NFATC1: variants seen among roughly 807,000 people sequenced by gnomAD.
The protein encoded by NFATC1 is nuclear factor of activated T cells 1, also known as nuclear factor of activated T-cells, cytoplasmic 1.
In NFATC1, 22 loss-of-function variants were observed where a neutral mutation model predicts 76.0. That is an observed-to-expected ratio of 0.29 (90% CI 0.21 to 0.41). The LOEUF is 0.41. NFATC1 is among the 10% of genes least tolerant of loss of function. NFATC1 has a pLI of 1.00. For missense variants in NFATC1, 1,357 were observed against 1,337.7 expected (o/e 1.01, Z -0.23); for synonymous variants, 704 against 613.1 (o/e 1.15, Z -2.19).
intron 9 of NFATC1, among the ~76,000 whole-genome samples, chr18:79,518,040 G>A (rs912248890): frequency 1.6e-4 from 24 of 152,144 alleles, no homozygotes; most frequent in Non-Finnish European, 2.6e-4. Flanking sequence ...TGCCTCTCCC[G>A]GCTCTTCACT....
chr18:79,525,077 CCG>C, intron 9 of NFATC1, among the ~76,000 whole-genome samples: 1 of 90,196 alleles, frequency 1.1e-5, no homozygotes, highest in Non-Finnish European at 2.4e-5. Context: ...CCACGTCCCA[CCG>C]TCGTTACCCC....
In NFATC1 at chr18:79,396,324, G is replaced by GGCGGCACCATGAAGTCA; in HGVS notation, c.105_121dup (p.Glu41AlafsTer3). 1 of 1,411,462 alleles carries GGCGGCACCATGAAGTCA rather than the reference G, an allele frequency of 7.1e-7. No individual in the cohort carries two copies. The highest frequency in any genetic ancestry group is 9.4e-7 in the Non-Finnish European group (1 of 1,067,352). 87.4% of individuals were successfully genotyped at this position (1,411,462 alleles called of 1,614,324 possible). On this transcript the variant is annotated frameshift_variant, in exon 1 of 10. Transcript: ENST00000427363. LOFTEE classifies it high-confidence loss of function. ...AACTTTGGGGCCCGCGCCGCGCGCC[G>GGCGGCACCATGAAGTCA]GCGGCACCATGAAGTCAGCGGAGGA...
At chr18:79,422,580 T>G (rs2086134709) in intron 2 of NFATC1, 1 of 150,686 alleles carries the variant, frequency 6.6e-6, no homozygotes, top group Non-Finnish European at 1.5e-5. Context: ...GGCAGGGGAG[T>G]GAGGGAGAGG....
At position 79,455,535 on chromosome 18, in the gene NFATC1, G is replaced by A. The variant is rs551892242; in HGVS notation, c.1903+3719G>A. 4.8e-4 allele frequency among the ~76,000 whole-genome samples: 73 copies of A among 152,156 alleles called. 1 individual carries two copies. The highest frequency in any genetic ancestry group is 3.1e-3 in the Admixed American group (47 of 15,288). ...TAGGCCCAGGCCTGGACCCAGTGCC[G>A]TGCCAGCCACCACCCCAGGGGCCCT... On this transcript the variant is annotated intron_variant, in intron 6 of 9. Coordinates refer to ENST00000427363, the MANE Select transcript of NFATC1 (RefSeq NM_001278669.2).
At chr18:79,398,192 C>T (rs1600563863) in intron 1 of NFATC1, among the ~76,000 whole-genome samples, 1 of 152,318 alleles carries the variant, frequency 6.6e-6, no homozygotes, top group East Asian at 1.9e-4. Context: ...GGCTTGCTTC[C>T]TCATGGAGAA....
At chr18:79,521,221 G>GT (rs34071377) in intron 9 of NFATC1, among the ~76,000 whole-genome samples, 13,006 of 58,932 alleles carry the variant, frequency 0.22, 3,459 homozygotes, top group Non-Finnish European at 0.32. Context: ...GTGTCTGTGT[G>GT]TGGGGGGTGG....
At chr18:79,460,446 C>G (rs1020346479) in intron 6 of NFATC1, among the ~76,000 whole-genome samples, 1 of 152,212 alleles carries the variant, frequency 6.6e-6, no homozygotes, top group Non-Finnish European at 1.5e-5. Flanking sequence ...GGGGCCAGGC[C>G]GTGCACACAC....
intron 6 of NFATC1, among the ~76,000 whole-genome samples, chr18:79,458,517 GC>G (rs1415362753): frequency 6.6e-6 from 1 of 152,246 alleles, no homozygotes; most frequent in East Asian, 1.9e-4. Context: ...AGGCTCCTGG[GC>G]CCGCAGGCCT....
intron 2 of NFATC1, among the ~76,000 whole-genome samples, chr18:79,420,178 G>GGT (rs1386102729): frequency 6.6e-6 from 1 of 152,082 alleles, no homozygotes; most frequent in Non-Finnish European, 1.5e-5. Context: ...AGGGGAAGAG[G>GGT]GGGACGTGTT....
At position 79,486,255 on chromosome 18, in the gene NFATC1, T is replaced by G; in HGVS notation, c.2100T>G (p.Ile700Met). The G allele has an allele frequency of 6.3e-7, 1 of 1,596,980 alleles. No individual in the cohort carries two copies. ...RFTYLPANVP[I>M]IKTEPTDDYE... is the part of the protein sequence containing the mutation. ...TTTTTTTCCTTCTCACAGTTCCAAT[T>G]ATAAAAACAGAACCCACTGATGATT... The change falls in exon 9 of 10, where the codon ATT (isoleucine) becomes ATG (methionine). Residue 700 changes from isoleucine (I) to methionine (M), a missense_variant. Physicochemically the swap from Ile to Met is conservative, Grantham distance 10. This residue lies in a region of NFATC1 where 424 missense variants were observed against 395.4 expected (regional missense o/e 1.07). Transcript: ENST00000427363.
chr18:79,513,714 A>G (rs890906532), intron 9 of NFATC1, among the ~76,000 whole-genome samples: 4 of 152,120 alleles, frequency 2.6e-5, no homozygotes, highest in Non-Finnish European at 5.9e-5. Flanking sequence ...CTCCCCAGAC[A>G]TTACTGGGGC....
At chr18:79,477,142 G>A (rs79617804) in intron 8 of NFATC1, among the ~76,000 whole-genome samples, 15,631 of 152,232 alleles carry the variant, frequency 0.1, 1,044 homozygotes, top group Non-Finnish European at 0.15. Flanking sequence ...AGCTTCATCC[G>A]CTGTTTTCTT....
chr18:79,517,718 C>T (rs138279874), intron 9 of NFATC1, among the ~76,000 whole-genome samples: 48 of 152,324 alleles, frequency 3.2e-4, no homozygotes, highest in African/African-American at 1.0e-3. Context: ...GTTTGTTTAG[C>T]GGTCATAGAT....
In NFATC1 at chr18:79,426,056, A is replaced by G. The variant is rs73494215; in HGVS notation, c.1227-7523A>G. On this transcript the variant is annotated intron_variant, in intron 2 of 9. Transcript: ENST00000427363. The stretch of plus-strand genomic sequence containing the variant: ...GAGAGACCCCATCTCTACACAAAAT[A>G]TAACAATTAGCCAGGTGTGGTGGTG... 2.0e-3 allele frequency among the ~76,000 whole-genome samples: 306 copies of G among 152,182 alleles called. 1 individual carries two copies. The highest frequency in any genetic ancestry group is 7.0e-3 in the African/African-American group (290 of 41,532).
chr18:79,493,044 C>T (rs73970100), intron 9 of NFATC1, among the ~76,000 whole-genome samples: 11,302 of 152,046 alleles, frequency 0.074, 1,345 homozygotes, highest in African/African-American at 0.26. Flanking sequence ...TGGGCTTTCC[C>T]CTCAGACTTC....
chr18:79,412,230 C>T (rs1404753957), intron 2 of NFATC1, among the ~76,000 whole-genome samples: 1 of 152,234 alleles, frequency 6.6e-6, no homozygotes, highest in African/African-American at 2.4e-5. Flanking sequence ...TCTAACGAAA[C>T]AGCTTTCCCA....
intron 1 of NFATC1, among the ~76,000 whole-genome samples, chr18:79,397,528 G>A (rs116238343): frequency 0.011 from 1,611 of 152,320 alleles, 25 homozygotes; most frequent in African/African-American, 0.036. Context: ...GACGCTTCAC[G>A]GGACGGGAGG....
At chr18:79,494,944 C>T (rs1364523456) in intron 9 of NFATC1, among the ~76,000 whole-genome samples, 8 of 151,286 alleles carry the variant, frequency 5.3e-5, no homozygotes, top group African/African-American at 1.9e-4. Flanking sequence ...CCCCATCAAC[C>T]TGGTACGGCC....
At chr18:79,412,379 G>A (rs997303809) in intron 2 of NFATC1, among the ~76,000 whole-genome samples, 1 of 152,140 alleles carries the variant, frequency 6.6e-6, no homozygotes, top group African/African-American at 2.4e-5. Context: ...TCCTCAGGAA[G>A]AGGCGTTTGC....
Sources: allele counts gnomAD v4.1 joint callset (sites outside exome capture counted in the v4.1 genomes callset), GRCh38; gene constraint gnomAD v4.1.1; regional missense constraint gnomAD v4.1.1; transcripts MANE v1.5; gene names NCBI Gene and HGNC (gene_info 2026-07-23, HGNC 2026-07-21).